Variants in PC observed in about 807,000 individuals in gnomAD.
PC encodes pyruvate carboxylase, mitochondrial.
In PC, 46 loss-of-function variants were observed where a neutral mutation model predicts 107.8. That is an observed-to-expected ratio of 0.43 (90% CI 0.34 to 0.55). PC has a LOEUF of 0.55. Ranked by LOEUF, PC falls within the 20% of genes least tolerant of loss-of-function variation. The pLI is 0.04. For synonymous variants in PC, 662 were observed against 684.7 expected, an observed-to-expected ratio of 0.97 and a Z score of 0.52; for missense variants, 1,241 against 1,643.1, an observed-to-expected ratio of 0.76 and a Z score of 4.23.
At chr11:66,879,351 G>T (rs566687069) in intron 3 of PC, among the ~76,000 whole-genome samples, 1 of 152,218 alleles carries the variant, frequency 6.6e-6, no homozygotes, top group African/African-American at 2.4e-5. Context: ...AGGACACCAC[G>T]TGCTTTTGCC....
chr11:66,917,014 G>A (rs1377901368), intron 3 of PC, among the ~76,000 whole-genome samples: 4 of 151,706 alleles, frequency 2.6e-5, no homozygotes, highest in Non-Finnish European at 4.4e-5. Flanking sequence ...GCCCTAGTTC[G>A]TCATGACCCT....
intron 3 of PC, among the ~76,000 whole-genome samples, chr11:66,920,227 G>A (rs1948561498): frequency 1.3e-5 from 2 of 152,150 alleles, no homozygotes; most frequent in Admixed American, 6.5e-5. Flanking sequence ...GAATCCAGCT[G>A]GCTCAGAAGA....
At chr11:66,863,624 C>G (rs1378724382) in intron 12 of PC, 150 bp downstream of exon 12, 7 of 832,078 alleles carry the variant, frequency 8.4e-6, no homozygotes, top group Admixed American at 2.5e-5. Flanking sequence ...TGGCGTGCAG[C>G]TGCAGCCAAG....
intron 3 of PC, among the ~76,000 whole-genome samples, chr11:66,917,112 C>T (rs1245627085): frequency 6.6e-6 from 1 of 151,848 alleles, no homozygotes; most frequent in Non-Finnish European, 1.5e-5. Context: ...TACTCTGTTG[C>T]CCAGGCTGGA....
Position 66,858,182 on chromosome 11 carries a change from C to A in PC, c.1369-4799G>T, listed in dbSNP as rs759135713. 1 of 1,611,650 alleles carries A rather than the reference C, an allele frequency of 6.2e-7. No homozygotes were observed. The highest frequency in any genetic ancestry group is 1.1e-5 in the South Asian group (1 of 91,044). ...GAGCCTTCGACGACTTCCTAGAGAG[C>A]CTGGAGGACCTGGACCTGTCCTACA... On this transcript the variant is annotated intron_variant, in intron 12 of 22. Transcript: ENST00000393960. The surrounding 1 kb of genome is among the most constrained non-coding windows in gnomAD (Gnocchi z 5.9).
chr11:66,859,758 C>A, intron 12 of PC: 1 of 1,607,694 alleles, frequency 6.2e-7, no homozygotes, highest in South Asian at 1.1e-5. Context: ...GGCCACCAGG[C>A]TGCTGGGCTG....
intron 3 of PC, among the ~76,000 whole-genome samples, chr11:66,940,069 T>C (rs551360839): frequency 2.6e-5 from 4 of 152,120 alleles, no homozygotes; most frequent in African/African-American, 9.6e-5. Context: ...TTCAAGAAAA[T>C]GTAAAAATTT....
At chr11:66,925,258 C>A (rs948704275) in intron 3 of PC, among the ~76,000 whole-genome samples, 1 of 152,026 alleles carries the variant, frequency 6.6e-6, no homozygotes, top group African/African-American at 2.4e-5. Flanking sequence ...ATTTATTAGG[C>A]GGGAATTTCC....
intron 3 of PC, among the ~76,000 whole-genome samples, chr11:66,937,081 T>C (rs1302198687): frequency 6.6e-6 from 1 of 152,174 alleles, no homozygotes; most frequent in Non-Finnish European, 1.5e-5. Flanking sequence ...TGACCTCAAA[T>C]GATCCACCCG....
chr11:66,940,623 G>A (rs1949107520), intron 3 of PC, among the ~76,000 whole-genome samples: 1 of 151,930 alleles, frequency 6.6e-6, no homozygotes, highest in Non-Finnish European at 1.5e-5. Flanking sequence ...AGGAGGTCGA[G>A]GCTGCAGTGA....
At chr11:66,903,248 T>A (rs1033044016) in intron 3 of PC, among the ~76,000 whole-genome samples, 7 of 152,058 alleles carry the variant, frequency 4.6e-5, no homozygotes, top group African/African-American at 1.7e-4. Context: ...CACTGCCAAC[T>A]CCTTTCCCCA....
intron 3 of PC, among the ~76,000 whole-genome samples, chr11:66,905,615 T>C (rs1948139257): frequency 1.3e-5 from 2 of 152,304 alleles, no homozygotes; most frequent in Non-Finnish European, 2.9e-5. Flanking sequence ...AAATTAATAA[T>C]CCTTGACATC....
At chr11:66,849,435 GCCATAGGAAGTCC>G in intron 21 of PC, 65 bp from the exon 22 acceptor site, 1 of 1,607,880 alleles carries the variant, frequency 6.2e-7, no homozygotes, top group South Asian at 1.1e-5. Context: ...CCCGGCCCTG[GCCATAGGAAGTCC>G]CCACACTGGG....
At position 66,852,712 on chromosome 11, in the gene PC, C is replaced by T. The variant is rs1236220903; in HGVS notation, c.1603+35G>A. 6.2e-7 allele frequency: 1 copy of T among 1,610,468 alleles called. No homozygotes were observed. The highest frequency in any genetic ancestry group is 2.2e-5 in the East Asian group (1 of 44,804). On this transcript the variant is annotated intron_variant, in intron 14 of 22. Transcript: ENST00000393960. The surrounding 1 kb of genome is among the most constrained non-coding windows in gnomAD (Gnocchi z 4.7). ...CATCCTGCAGGTGGCAACCTCCTGT[C>T]TCCCCCATGAGTTGACAGAATGGAT...
At chr11:66,860,596 T>A in intron 12 of PC, 1 of 701,296 alleles carries the variant, frequency 1.4e-6, no homozygotes, top group Non-Finnish European at 2.6e-6. Flanking sequence ...CACAGCAGCC[T>A]GGGGCCTCCT....
chr11:66,931,653 G>A (rs921606121), intron 3 of PC, among the ~76,000 whole-genome samples: 1 of 152,062 alleles, frequency 6.6e-6, no homozygotes, highest in African/African-American at 2.4e-5. Context: ...GACATCGGAC[G>A]ATTTCCAAGA....
chr11:66,934,953 A>T (rs1948958380), intron 3 of PC, among the ~76,000 whole-genome samples: 1 of 152,174 alleles, frequency 6.6e-6, no homozygotes, highest in Admixed American at 6.5e-5. Flanking sequence ...CAGAAGCAGG[A>T]TCAATGAGGT....
chr11:66,890,563 T>C (rs1389690443), intron 3 of PC, among the ~76,000 whole-genome samples: 110 of 150,282 alleles, frequency 7.3e-4, no homozygotes, highest in African/African-American at 2.4e-3. Context: ...TGCAATGGCG[T>C]GATCTTGGCT....
At chr11:66,952,692 G>A (rs113604624) in intron 2 of PC, among the ~76,000 whole-genome samples, 1,533 of 152,302 alleles carry the variant, frequency 0.01, 28 homozygotes, top group African/African-American at 0.034. Context: ...ACAGGCATGT[G>A]CCACCACGCC....
Sources: allele counts gnomAD v4.1 joint callset (sites outside exome capture counted in the v4.1 genomes callset), GRCh38; gene constraint gnomAD v4.1.1; non-coding constraint Gnocchi (gnomAD v3.1); transcripts MANE v1.5; gene names NCBI Gene and HGNC (gene_info 2026-07-23, HGNC 2026-07-21).